NCOA1: variants seen among roughly 807,000 people sequenced by gnomAD.
NCOA1 encodes nuclear receptor coactivator 1, also known as Hin-2 protein.
A neutral mutation model predicts 150.9 loss-of-function variants in NCOA1; 35 were observed. That is an observed-to-expected ratio of 0.23 (90% confidence interval 0.18 to 0.31). NCOA1 has a LOEUF of 0.31. Ranked by LOEUF, NCOA1 falls within the 10% of genes least tolerant of loss-of-function variation. The probability of loss-of-function intolerance (pLI) is 1.00; values close to 1 mark genes in which losing one functional copy is unlikely to be tolerated. For missense variants in NCOA1, 1,491 were observed against 1,749.3 expected (o/e 0.85, Z 2.63); for synonymous variants, 590 against 630.0 (o/e 0.94, Z 0.95).
intron 14 of NCOA1, among the ~76,000 whole-genome samples, chr2:24,719,064 C>T (rs911424539): frequency 2.8e-5 from 4 of 144,678 alleles, no homozygotes; most frequent in South Asian, 2.1e-4. Context: ...AACCCCAAAC[C>T]GGAACAAACT....
chr2:24,730,915 A>G (rs1401057638), intron 17 of NCOA1, among the ~76,000 whole-genome samples: 16 of 149,330 alleles, frequency 1.1e-4, no homozygotes, highest in Non-Finnish European at 1.5e-4. Flanking sequence ...GCACGTGCCT[A>G]TAATCCCAGC....
chr2:24,705,298 T>C (rs1371433623), intron 12 of NCOA1, 65 bp downstream of exon 12: 7 of 1,510,544 alleles, frequency 4.6e-6, no homozygotes, highest in Middle Eastern at 1.7e-4. Flanking sequence ...TTAGAGAAAT[T>C]TTTTATACTC....
intron 15 of NCOA1, among the ~76,000 whole-genome samples, chr2:24,727,751 A>C (rs2148638285): frequency 6.6e-6 from 1 of 152,352 alleles, no homozygotes; most frequent in Admixed American, 6.5e-5. Flanking sequence ...ATCAGTGAAT[A>C]ATTTGTTGCT....
At chr2:24,542,556 T>G (rs1665441567) in intron 1 of NCOA1, among the ~76,000 whole-genome samples, 1 of 152,234 alleles carries the variant, frequency 6.6e-6, no homozygotes, top group East Asian at 1.9e-4. Flanking sequence ...TAAATAATAC[T>G]GTCACTGTTT....
At chr2:24,618,422 A>G (rs1367806619) in intron 3 of NCOA1, among the ~76,000 whole-genome samples, 5 of 152,234 alleles carry the variant, frequency 3.3e-5, no homozygotes, top group Admixed American at 3.3e-4. Flanking sequence ...CATCAAGAAC[A>G]GAGGAAATTG....
At chr2:24,704,752 G>A (rs1244858851) in intron 11 of NCOA1, among the ~76,000 whole-genome samples, 3 of 151,588 alleles carry the variant, frequency 2.0e-5, no homozygotes, top group Non-Finnish European at 4.4e-5. Flanking sequence ...TAGCCTGGGC[G>A]ACAGAGTGAG....
Position 24,552,368 on chromosome 2 carries a change from T to G in NCOA1, c.-395-11927T>G, listed in dbSNP as rs1363791676. Among the ~76,000 whole-genome samples, 2 of 99,968 alleles carry G rather than the reference T, an allele frequency of 2.0e-5. 1 individual carries two copies. Among genetic ancestry groups the G allele is most frequent in the African/African-American group, 8.5e-5 (2 of 23,400 alleles). 65.6% of individuals were successfully genotyped at this position (99,968 alleles called of 152,430 possible). A position where few individuals can be genotyped will look rare whatever the true frequency, so the allele number is the denominator to read the frequency against. On this transcript the variant is annotated intron_variant, in intron 1 of 22. Transcript: ENST00000348332. ...ATATATATATATTTTTTTTTTTTTT[T>G]TTTTTTTTTTTTTTTTGAGATGGAG...
At chr2:24,679,934 G>A (rs1376941337) in intron 7 of NCOA1, among the ~76,000 whole-genome samples, 2 of 152,172 alleles carry the variant, frequency 1.3e-5, no homozygotes, top group Non-Finnish European at 2.9e-5. Flanking sequence ...ACAATGGGTT[G>A]TGCTTCAATC....
At chr2:24,704,621 AC>A (rs780146444) in intron 11 of NCOA1, among the ~76,000 whole-genome samples, 1 of 152,138 alleles carries the variant, frequency 6.6e-6, no homozygotes, top group Non-Finnish European at 1.5e-5. Context: ...TACTAAAAAT[AC>A]AAAAATTAGC....
At chr2:24,757,438 G>A (rs1664557393) in intron 20 of NCOA1, among the ~76,000 whole-genome samples, 1 of 152,108 alleles carries the variant, frequency 6.6e-6, no homozygotes, top group African/African-American at 2.4e-5. Flanking sequence ...CCTGCTATAT[G>A]TCACATATTA....
intron 3 of NCOA1, among the ~76,000 whole-genome samples, chr2:24,601,305 T>G (rs146594553): frequency 0.018 from 2,707 of 152,182 alleles, 258 homozygotes; most frequent in Admixed American, 0.16. Context: ...TTCCAACTCC[T>G]GGGCTCAAGC....
intron 2 of NCOA1, among the ~76,000 whole-genome samples, chr2:24,581,591 G>C (rs748151509): frequency 1.3e-5 from 2 of 152,086 alleles, no homozygotes; most frequent in African/African-American, 2.4e-5. Context: ...GTTGGTTTTG[G>C]GGGGAGTCTG....
At chr2:24,758,957 C>T (rs1664637721) in intron 21 of NCOA1, among the ~76,000 whole-genome samples, 1 of 152,068 alleles carries the variant, frequency 6.6e-6, no homozygotes, top group Non-Finnish European at 1.5e-5. Flanking sequence ...CCACTGCACT[C>T]CAGCCTGGGC....
chr2:24,713,828 C>T (rs1295688654), intron 14 of NCOA1, among the ~76,000 whole-genome samples: 1 of 152,118 alleles, frequency 6.6e-6, no homozygotes, highest in Non-Finnish European at 1.5e-5. Flanking sequence ...GATAGGAGTT[C>T]AGTGACAGTG....
chr2:24,509,435 AT>A (rs1273578244), intron 1 of NCOA1, among the ~76,000 whole-genome samples: 2 of 152,228 alleles, frequency 1.3e-5, no homozygotes, highest in African/African-American at 4.8e-5. Flanking sequence ...GCCTTGAAAA[AT>A]AAGATAGATA....
At chr2:24,640,829 T>A (rs753441648) in intron 3 of NCOA1, among the ~76,000 whole-genome samples, 2 of 152,146 alleles carry the variant, frequency 1.3e-5, no homozygotes, top group Non-Finnish European at 2.9e-5. Context: ...AGTCTATTTG[T>A]ATGTTTATAT....
intron 21 of NCOA1, among the ~76,000 whole-genome samples, chr2:24,760,631 T>C (rs1325337427): frequency 6.6e-6 from 1 of 152,200 alleles, no homozygotes; most frequent in Non-Finnish European, 1.5e-5. Flanking sequence ...AGACATCTGC[T>C]GTCATTTTAT....
chr2:24,519,499 A>G (rs1034664495), intron 1 of NCOA1, among the ~76,000 whole-genome samples: 8 of 152,038 alleles, frequency 5.3e-5, no homozygotes, highest in Admixed American at 2.6e-4. Context: ...TTTGTATGGT[A>G]TATGACTTAT....
At chr2:24,652,886 A>T (rs1558875351) in intron 4 of NCOA1, among the ~76,000 whole-genome samples, 1 of 152,206 alleles carries the variant, frequency 6.6e-6, no homozygotes, top group Non-Finnish European at 1.5e-5. Flanking sequence ...ACTGCGAAAT[A>T]CAAAGCCATT....
Sources: allele counts gnomAD v4.1 joint callset (sites outside exome capture counted in the v4.1 genomes callset), GRCh38; gene constraint gnomAD v4.1.1; transcripts MANE v1.5; gene names NCBI Gene and HGNC (gene_info 2026-07-23, HGNC 2026-07-21).